Variants in SEC22A observed in about 807,000 individuals in gnomAD.
SEC22A encodes SEC22 homolog A, vesicle trafficking protein, also known as vesicle-trafficking protein SEC22a.
In SEC22A, 22 loss-of-function variants were observed where a neutral mutation model predicts 35.3. That is an observed-to-expected ratio of 0.62 (90% CI 0.45 to 0.89). SEC22A has a LOEUF of 0.89. Ranked by LOEUF, SEC22A falls within the 40% of genes least tolerant of loss-of-function variation. The pLI is 0.00. For synonymous variants in SEC22A, 119 were observed against 129.5 expected (o/e 0.92, Z 0.55); for missense variants, 354 against 362.5 (o/e 0.98, Z 0.19).
At chr3:123,226,431 T>A (rs1937218957) in intron 4 of SEC22A, among the ~76,000 whole-genome samples, 2 of 152,238 alleles carry the variant, frequency 1.3e-5, no homozygotes, top group African/African-American at 4.8e-5. Flanking sequence ...TTGTTTTGCA[T>A]TTCTCTGATG....
rs371714855 is a variant in SEC22A, at chr3:123,238,100, G to A, written c.542-7799G>A. Among the ~76,000 whole-genome samples, 12 of 152,264 alleles carry A rather than the reference G, an allele frequency of 7.9e-5. No homozygotes were observed. The East Asian group carries it at 1.9e-3, about 25-fold the overall frequency. ...GCCTGGGAGGTTGAGGCTGCAGTGAGCCTTGATCATGCCACTGTACTCCAG... is the reference window on the plus strand; with the variant it reads ...GCCTGGGAGGTTGAGGCTGCAGTGAACCTTGATCATGCCACTGTACTCCAG... On this transcript the variant is annotated intron_variant, in intron 4 of 6. Transcript: ENST00000492595.
chr3:123,253,314 C>T (rs1559761848), intron 5 of SEC22A, among the ~76,000 whole-genome samples: 1 of 152,108 alleles, frequency 6.6e-6, no homozygotes, highest in Non-Finnish European at 1.5e-5. Flanking sequence ...TAAGATTTCT[C>T]GGATTCTAAA....
intron 4 of SEC22A, among the ~76,000 whole-genome samples, chr3:123,226,558 T>G (rs1454033404): frequency 2.0e-5 from 3 of 152,238 alleles, no homozygotes; most frequent in Non-Finnish European, 2.9e-5. Flanking sequence ...TTTTTTCATA[T>G]AGAGTTGTTT....
intron 5 of SEC22A, among the ~76,000 whole-genome samples, chr3:123,255,923 T>C (rs560546510): frequency 2.2e-5 from 2 of 89,608 alleles, no homozygotes; most frequent in African/African-American, 4.3e-5. Flanking sequence ...TTCTTCTTTC[T>C]TTTTTTTTTT....
intron 4 of SEC22A, among the ~76,000 whole-genome samples, chr3:123,230,692 C>A (rs1209954226): frequency 2.0e-5 from 2 of 100,258 alleles, no homozygotes; most frequent in African/African-American, 4.4e-5. Context: ...CAAATATTCA[C>A]TTCATGCAAA....
At chr3:123,202,863 CT>C (rs1434446268) in intron 1 of SEC22A, among the ~76,000 whole-genome samples, 4 of 152,086 alleles carry the variant, frequency 2.6e-5, no homozygotes, top group African/African-American at 9.7e-5. Context: ...CTCTGAATCA[CT>C]TTCCATGTTA....
At chr3:123,228,742 G>A (rs1362823853) in intron 4 of SEC22A, among the ~76,000 whole-genome samples, 1 of 151,966 alleles carries the variant, frequency 6.6e-6, no homozygotes, top group South Asian at 2.1e-4. Flanking sequence ...AAGACTAAAG[G>A]AAACTATTAA....
intron 5 of SEC22A, among the ~76,000 whole-genome samples, chr3:123,258,406 AAAG>A (rs1937794139): frequency 1.3e-5 from 2 of 152,322 alleles, no homozygotes; most frequent in South Asian, 4.1e-4. Context: ...TCAGAAAAAA[AAAG>A]GTCATTTAAA....
At chr3:123,241,614 T>C (rs1361460504) in intron 4 of SEC22A, among the ~76,000 whole-genome samples, 1 of 152,184 alleles carries the variant, frequency 6.6e-6, no homozygotes, top group Middle Eastern at 3.2e-3. Context: ...CCTCCAACAC[T>C]GTAAGAGAAA....
chr3:123,265,338 ACTAATCCTTTGTC>A (rs1293728820), intron 6 of SEC22A, among the ~76,000 whole-genome samples: 1 of 152,126 alleles, frequency 6.6e-6, no homozygotes, highest in Admixed American at 6.5e-5. Context: ...TATTCTAGAT[ACTAATCCTTTGTC>A]AGAAAGGAAG....
In SEC22A at chr3:123,203,053, CTTTTTTTT is replaced by C. The variant is rs779433710; in HGVS notation, c.-20+1094_-20+1101del. 1.1e-3 allele frequency among the ~76,000 whole-genome samples: 49 copies of C among 43,844 alleles called. 3 individuals carry two copies. Among genetic ancestry groups the C allele is most frequent in the East Asian group, 3.5e-3 (4 of 1,150 alleles). 28.8% of individuals were successfully genotyped at this position (43,844 alleles called of 152,430 possible). The stretch of plus-strand genomic sequence containing the variant: ...GAAAACCATCACATCTGTTTAGTGC[CTTTTTTTT>C]TTTTTTTTTTTTTTTTTTTTTTTTT... On this transcript the variant is annotated intron_variant, in intron 1 of 6. Coordinates refer to ENST00000492595, the MANE Select transcript of SEC22A (RefSeq NM_012430.5).
intron 1 of SEC22A, among the ~76,000 whole-genome samples, chr3:123,206,908 C>A (rs773738821): frequency 6.6e-6 from 1 of 152,102 alleles, no homozygotes; most frequent in Admixed American, 6.6e-5. Context: ...GCCAACATGG[C>A]GAAACCTCAT....
intron 4 of SEC22A, among the ~76,000 whole-genome samples, chr3:123,226,769 T>C (rs935491558): frequency 6.6e-6 from 1 of 152,204 alleles, no homozygotes; most frequent in African/African-American, 2.4e-5. Context: ...TTGTGGGGTA[T>C]TACTCAAGAG....
chr3:123,220,723 T>G (rs1937104934), intron 2 of SEC22A, among the ~76,000 whole-genome samples: 1 of 151,848 alleles, frequency 6.6e-6, no homozygotes, highest in Non-Finnish European at 1.5e-5. Flanking sequence ...TATTAAGTGA[T>G]GCTTCAGAAA....
chr3:123,234,380 A>G (rs944334882), intron 4 of SEC22A, among the ~76,000 whole-genome samples: 1 of 152,208 alleles, frequency 6.6e-6, no homozygotes, highest in Admixed American at 6.5e-5. Context: ...CTTATTACCA[A>G]CCTACAATTA....
At chr3:123,247,470 C>T (rs1043198073) in intron 5 of SEC22A, among the ~76,000 whole-genome samples, 1 of 152,210 alleles carries the variant, frequency 6.6e-6, no homozygotes, top group Non-Finnish European at 1.5e-5. Flanking sequence ...TACTTTATTT[C>T]AGGCACTCAG....
intron 2 of SEC22A, among the ~76,000 whole-genome samples, chr3:123,211,740 G>A (rs150670677): frequency 1.7e-3 from 262 of 152,138 alleles, no homozygotes; most frequent in African/African-American, 6.2e-3. Flanking sequence ...TTACAGACAT[G>A]AGCCACTGCA....
rs114737881 is a variant in SEC22A at position 123,262,391 on chromosome 3, A to C, written c.723+2802A>C. On this transcript the variant is annotated intron_variant, in intron 6 of 6. Coordinates refer to ENST00000492595, the MANE Select transcript of SEC22A (RefSeq NM_012430.5). ...AAAACCAGTATACTTAGAGTCATCA[A>C]TTGTTAACATCTTGCAACACCTTCT... Among the ~76,000 whole-genome samples the C allele has an allele frequency of 4.7e-3, 718 of 152,354 alleles. 5 individuals are homozygous for C. The highest frequency in any genetic ancestry group is 8.2e-3 in the Non-Finnish European group (557 of 68,028).
intron 6 of SEC22A, among the ~76,000 whole-genome samples, chr3:123,266,641 A>T (rs1391283825): frequency 6.6e-6 from 1 of 152,152 alleles, no homozygotes; most frequent in Non-Finnish European, 1.5e-5. Flanking sequence ...TGATTAGAGA[A>T]CACACATTGT....
Sources: gnomAD v4.1 joint callset for allele counts (sites outside exome capture counted in the v4.1 genomes callset) on GRCh38, gnomAD v4.1.1 for gene constraint, MANE v1.5 for transcripts, NCBI Gene and HGNC (gene_info 2026-07-23, HGNC 2026-07-21) for gene names.